MARCHF1: variants seen among roughly 807,000 people sequenced by gnomAD.
MARCHF1 encodes membrane associated ring-CH-type finger 1, also known as E3 ubiquitin-protein ligase MARCHF1.
In MARCHF1, 40 loss-of-function variants were observed where a neutral mutation model predicts 54.2. That is an observed-to-expected ratio of 0.74 (90% CI 0.57 to 0.96). The LOEUF (loss-of-function observed/expected upper bound fraction) is 0.96. Ranked by LOEUF, MARCHF1 falls within the 40% of genes least tolerant of loss-of-function variation. MARCHF1 has a pLI of 0.00. For missense variants in MARCHF1, 586 were observed against 656.5 expected (o/e 0.89, Z 1.17); for synonymous variants, 236 against 236.3 (o/e 1.00, Z 0.01).
intron 1 of MARCHF1, among the ~76,000 whole-genome samples, chr4:164,357,242 T>G (rs1730584544): frequency 6.6e-6 from 1 of 152,144 alleles, no homozygotes; most frequent in Admixed American, 6.6e-5. Flanking sequence ...GGCTCATTCA[T>G]TTTTCGCGAC....
chr4:163,721,788 T>C (rs1745470982), intron 4 of MARCHF1, among the ~76,000 whole-genome samples: 1 of 152,158 alleles, frequency 6.6e-6, no homozygotes, highest in African/African-American at 2.4e-5. Flanking sequence ...ATTTATCCAT[T>C]TCTTCCAGAT....
At chr4:164,112,462 C>A (rs1391359249) in intron 1 of MARCHF1, among the ~76,000 whole-genome samples, 1 of 147,030 alleles carries the variant, frequency 6.8e-6, no homozygotes, top group East Asian at 1.9e-4. Context: ...AGTATCTTAA[C>A]AAACTAAAGT....
At chr4:163,775,290 T>C (rs1163199895) in intron 4 of MARCHF1, among the ~76,000 whole-genome samples, 1 of 152,194 alleles carries the variant, frequency 6.6e-6, no homozygotes, top group Admixed American at 6.5e-5. Flanking sequence ...CAGACAGGGT[T>C]CTAATCATTC....
intron 7 of MARCHF1, among the ~76,000 whole-genome samples, chr4:163,605,655 C>G (rs960385367): frequency 6.6e-6 from 1 of 152,040 alleles, no homozygotes; most frequent in Admixed American, 6.6e-5. Context: ...TGGAACCAAC[C>G]CAAATGTCCA....
chr4:163,930,139 T>C (rs1339235484), intron 3 of MARCHF1, among the ~76,000 whole-genome samples: 1 of 150,158 alleles, frequency 6.7e-6, no homozygotes, highest in Admixed American at 6.7e-5. Flanking sequence ...GAATTTAACA[T>C]GGGGTATTTT....
At chr4:163,978,188 A>T (rs1752686597) in intron 3 of MARCHF1, among the ~76,000 whole-genome samples, 1 of 152,212 alleles carries the variant, frequency 6.6e-6, no homozygotes, top group Non-Finnish European at 1.5e-5. Flanking sequence ...AGGTCAGGCC[A>T]TTGGCAAACT....
chr4:164,019,270 C>T (rs1249512440), intron 2 of MARCHF1, among the ~76,000 whole-genome samples: 2 of 152,176 alleles, frequency 1.3e-5, no homozygotes, highest in Non-Finnish European at 2.9e-5. Flanking sequence ...ACTGTATTTT[C>T]TTTGCTGTTC....
chr4:163,940,594 A>C (rs1444006244), intron 3 of MARCHF1, among the ~76,000 whole-genome samples: 1 of 152,100 alleles, frequency 6.6e-6, no homozygotes, highest in Non-Finnish European at 1.5e-5. Flanking sequence ...GTGTAACATC[A>C]AAAGCTCAAA....
chr4:164,127,972 G>A (rs1355813010), intron 1 of MARCHF1, among the ~76,000 whole-genome samples: 2 of 152,172 alleles, frequency 1.3e-5, no homozygotes, highest in Non-Finnish European at 1.5e-5. Flanking sequence ...TAATGCCTCT[G>A]TAGATAAAAT....
intron 3 of MARCHF1, among the ~76,000 whole-genome samples, chr4:163,929,946 T>TAA (rs1553963986): frequency 5.7e-5 from 3 of 52,896 alleles, no homozygotes; most frequent in Admixed American, 5.3e-4. Flanking sequence ...TATATTTATA[T>TAA]TATATATATT....
intron 4 of MARCHF1, among the ~76,000 whole-genome samples, chr4:163,826,388 C>A (rs1354882526): frequency 6.6e-6 from 1 of 151,770 alleles, no homozygotes; most frequent in African/African-American, 2.4e-5. Context: ...GAAGAAAAAC[C>A]AAAAATAATT....
chr4:164,076,737 C>T (rs577128316), intron 2 of MARCHF1, among the ~76,000 whole-genome samples: 1 of 152,132 alleles, frequency 6.6e-6, no homozygotes, highest in African/African-American at 2.4e-5. Context: ...TCCTATACAC[C>T]AATAAGAGAC....
chr4:164,114,381 G>A (rs1755898002), intron 1 of MARCHF1, among the ~76,000 whole-genome samples: 1 of 151,654 alleles, frequency 6.6e-6, no homozygotes, highest in Admixed American at 6.6e-5. Flanking sequence ...CCCTGTTTAA[G>A]TAAAAGATGC....
At chr4:164,319,871 A>G (rs2110755822) in intron 1 of MARCHF1, among the ~76,000 whole-genome samples, 1 of 152,288 alleles carries the variant, frequency 6.6e-6, no homozygotes, top group South Asian at 2.1e-4. Flanking sequence ...TTTTAAAATA[A>G]CCACAGAGAA....
chr4:164,314,450 A>C (rs900165129), intron 1 of MARCHF1, among the ~76,000 whole-genome samples: 1 of 152,194 alleles, frequency 6.6e-6, no homozygotes, highest in Non-Finnish European at 1.5e-5. Flanking sequence ...TCAACTGTAC[A>C]TAAGTCATTG....
intron 2 of MARCHF1, among the ~76,000 whole-genome samples, chr4:164,062,972 T>C (rs1013023816): frequency 8.5e-5 from 13 of 152,232 alleles, no homozygotes; most frequent in African/African-American, 2.9e-4. Flanking sequence ...GCATTGTTAA[T>C]GATCAGTAAT....
chr4:163,873,088 C>A (rs557594757), intron 3 of MARCHF1, among the ~76,000 whole-genome samples: 96 of 150,638 alleles, frequency 6.4e-4, no homozygotes, highest in East Asian at 2.5e-3. Context: ...AACAAACAAA[C>A]AAAAAAAATG....
intron 5 of MARCHF1, among the ~76,000 whole-genome samples, chr4:163,613,941 T>A (rs2110935574): frequency 6.6e-6 from 1 of 152,272 alleles, no homozygotes; most frequent in African/African-American, 2.4e-5. Flanking sequence ...CTTGCAACAC[T>A]ATTGGCCTTT....
intron 1 of MARCHF1, among the ~76,000 whole-genome samples, chr4:164,139,855 A>G (rs1425811352): frequency 6.6e-6 from 1 of 152,194 alleles, no homozygotes; most frequent in Non-Finnish European, 1.5e-5. Flanking sequence ...CATGTCAACC[A>G]TTAGGAAAAT....
Sources: allele counts gnomAD v4.1 joint callset (sites outside exome capture counted in the v4.1 genomes callset), GRCh38; gene constraint gnomAD v4.1.1; transcripts MANE v1.5; gene names NCBI Gene and HGNC (gene_info 2026-07-23, HGNC 2026-07-21).